Variants in PPP6R3 observed in about 807,000 individuals in gnomAD.
PPP6R3 encodes protein phosphatase 6 regulatory subunit 3, also known as serine/threonine-protein phosphatase 6 regulatory subunit 3.
In PPP6R3, 38 loss-of-function variants were observed where a neutral mutation model predicts 110.7. The observed-to-expected ratio is 0.34, with a 90% CI of 0.26 to 0.45. PPP6R3 has a LOEUF of 0.45. PPP6R3 is among the 20% of genes least tolerant of loss of function. The pLI is 1.00. For synonymous variants in PPP6R3, 369 were observed against 373.5 expected (o/e 0.99, Z 0.14); for missense variants, 870 against 1,062.4 (o/e 0.82, Z 2.52).
In PPP6R3 at chr11:68,574,251, C is replaced by T. The variant is rs564741113; in HGVS notation, c.1459+27C>T. 32 of 1,579,898 alleles carry T rather than the reference C, an allele frequency of 2.0e-5. No individual in the cohort carries two copies. In the South Asian group the frequency reaches 2.8e-4, roughly 14 times the overall value. The stretch of plus-strand genomic sequence containing the variant: ...TAAGTTATTTGTGAAATTTGAATTA[C>T]ATTTTTGTTGGGTTGCAGGAAGGAT... On this transcript the variant is annotated intron_variant, in intron 13 of 23. Transcript: ENST00000393800.
chr11:68,537,529 G>C, intron 2 of PPP6R3, 130 bp from the exon 3 acceptor site: 1 of 622,460 alleles, frequency 1.6e-6, no homozygotes, highest in Non-Finnish European at 2.8e-6. Context: ...TATAGGTTCA[G>C]TGTGAAGCTT....
intron 1 of PPP6R3, among the ~76,000 whole-genome samples, chr11:68,511,495 T>TGTGTG (rs56327782): frequency 6.1e-5 from 9 of 147,768 alleles, no homozygotes; most frequent in East Asian, 2.0e-4. Flanking sequence ...TGTGTGTGTG[T>TGTGTG]TTTGAGTTGG....
At chr11:68,503,125 A>G (rs958167279) in intron 1 of PPP6R3, among the ~76,000 whole-genome samples, 1 of 152,074 alleles carries the variant, frequency 6.6e-6, no homozygotes, top group Admixed American at 6.6e-5. Flanking sequence ...TGTATTTTTT[A>G]GTAGAGACAG....
intron 9 of PPP6R3, among the ~76,000 whole-genome samples, chr11:68,564,667 A>G (rs1186522955): frequency 6.6e-6 from 1 of 152,238 alleles, no homozygotes; most frequent in Non-Finnish European, 1.5e-5. Context: ...ATTCTTGGGT[A>G]CTTACATGCC....
intron 8 of PPP6R3, among the ~76,000 whole-genome samples, chr11:68,562,066 G>A (rs1004866767): frequency 6.8e-6 from 1 of 146,950 alleles, no homozygotes; most frequent in Non-Finnish European, 1.5e-5. Context: ...AAAAAAAAAC[G>A]CATACTCCTA....
intron 1 of PPP6R3, among the ~76,000 whole-genome samples, chr11:68,492,893 A>G (rs1441362558): frequency 6.6e-6 from 1 of 152,186 alleles, no homozygotes; most frequent in South Asian, 2.1e-4. Context: ...GGTCTGTGTT[A>G]CTATATTTTC....
At chr11:68,542,393 T>TTTTTTTTTTG (rs1565716925) in intron 3 of PPP6R3, among the ~76,000 whole-genome samples, 4 of 99,526 alleles carry the variant, frequency 4.0e-5, no homozygotes, top group Non-Finnish European at 6.1e-5. Flanking sequence ...GCTGCTGTTT[T>TTTTTTTTTTG]TTTTTTTTTT....
intron 5 of PPP6R3, among the ~76,000 whole-genome samples, chr11:68,548,781 T>A (rs1218030665): frequency 6.6e-6 from 1 of 152,178 alleles, no homozygotes; most frequent in Non-Finnish European, 1.5e-5. Context: ...CTTGAATAGA[T>A]GTCTCAGGTA....
At chr11:68,530,594 G>T (rs561261268) in intron 2 of PPP6R3, among the ~76,000 whole-genome samples, 52 of 152,204 alleles carry the variant, frequency 3.4e-4, no homozygotes, top group Non-Finnish European at 6.9e-4. Context: ...CTATCTTGAG[G>T]ATTCCAATGG....
At chr11:68,479,128 T>A (rs1232542151) in intron 1 of PPP6R3, among the ~76,000 whole-genome samples, 1 of 152,232 alleles carries the variant, frequency 6.6e-6, no homozygotes, top group African/African-American at 2.4e-5. Context: ...AGCAATCATA[T>A]TCTTACGATT....
intron 15 of PPP6R3, chr11:68,587,608 T>C: frequency 2.5e-6 from 1 of 396,562 alleles, no homozygotes; most frequent in South Asian, 2.1e-5. Context: ...TTCAGACTGT[T>C]CCATGTCATG....
At chr11:68,534,291 T>G (rs145658663) in intron 2 of PPP6R3, among the ~76,000 whole-genome samples, 60 of 152,344 alleles carry the variant, frequency 3.9e-4, no homozygotes, top group African/African-American at 1.4e-3. Context: ...CACTACACTT[T>G]TCTGCAAAAG....
chr11:68,507,875 T>G (rs1032949890), intron 1 of PPP6R3, among the ~76,000 whole-genome samples: 2 of 152,180 alleles, frequency 1.3e-5, no homozygotes, highest in Non-Finnish European at 2.9e-5. Flanking sequence ...TTTCCTCTTA[T>G]GAGTTTACAT....
intron 13 of PPP6R3, among the ~76,000 whole-genome samples, chr11:68,574,979 A>G (rs2099524882): frequency 6.6e-6 from 1 of 152,210 alleles, no homozygotes; most frequent in Non-Finnish European, 1.5e-5. Flanking sequence ...TTTGTTCAAG[A>G]GGCTATTCCC....
At chr11:68,487,770 T>C (rs1026636128) in intron 1 of PPP6R3, among the ~76,000 whole-genome samples, 8 of 152,202 alleles carry the variant, frequency 5.3e-5, no homozygotes, top group African/African-American at 1.9e-4. Flanking sequence ...ATTTCTGTTA[T>C]GTGTTTTAAG....
At chr11:68,548,393 A>G (rs971831104) in intron 5 of PPP6R3, among the ~76,000 whole-genome samples, 189 bp downstream of exon 5, 12 of 151,874 alleles carry the variant, frequency 7.9e-5, no homozygotes, top group Non-Finnish European at 1.6e-4. Flanking sequence ...TTGCAGAACT[A>G]GAATTTCAGA....
chr11:68,530,583 G>A (rs1371507517), intron 2 of PPP6R3, among the ~76,000 whole-genome samples: 1 of 152,148 alleles, frequency 6.6e-6, no homozygotes, highest in Non-Finnish European at 1.5e-5. Flanking sequence ...CTTCGGTGTT[G>A]CTATCTTGAG....
chr11:68,498,708 G>A (rs1239452861), intron 1 of PPP6R3, among the ~76,000 whole-genome samples: 1 of 152,192 alleles, frequency 6.6e-6, no homozygotes, highest in African/African-American at 2.4e-5. Context: ...TTTGTCATAT[G>A]AAATTGTTCT....
At chr11:68,602,332 T>G (rs1466585743) in intron 21 of PPP6R3, among the ~76,000 whole-genome samples, 2 of 152,238 alleles carry the variant, frequency 1.3e-5, no homozygotes, top group African/African-American at 2.4e-5. Flanking sequence ...TAGGTGTATC[T>G]GGGTTTGTTT....
Sources: gnomAD v4.1 joint callset for allele counts (sites outside exome capture counted in the v4.1 genomes callset) on GRCh38, gnomAD v4.1.1 for gene constraint, MANE v1.5 for transcripts, NCBI Gene and HGNC (gene_info 2026-07-23, HGNC 2026-07-21) for gene names.